The following KIF6 variants were observed in gnomAD, a reference collection of about 807,000 sequenced individuals.
KIF6 encodes the protein kinesin-like protein KIF6.
In KIF6, 106 loss-of-function variants were observed where a neutral mutation model predicts 112.7. The ratio of observed to expected loss-of-function variants is 0.94; its 90% CI spans 0.80 to 1.11. KIF6 has a LOEUF of 1.11. KIF6 is among the 50% of genes least tolerant of loss of function. KIF6 has a pLI of 0.00. For missense variants in KIF6, 929 were observed against 964.0 expected (o/e 0.96, Z 0.48); for synonymous variants, 339 against 339.9 (o/e 1.00, Z 0.03).
intron 16 of KIF6, 152 bp from the exon 17 acceptor site, chr6:39,362,670 G>C: frequency 1.5e-6 from 1 of 657,260 alleles, no homozygotes; most frequent in Admixed American, 2.5e-5. Context: ...CCTCTGCTCA[G>C]CTGAAAGCCC....
At chr6:39,512,502 G>C (rs1039886794) in intron 13 of KIF6, among the ~76,000 whole-genome samples, 1 of 152,204 alleles carries the variant, frequency 6.6e-6, no homozygotes, top group African/African-American at 2.4e-5. Flanking sequence ...GGCTGCTTAG[G>C]TCTGAGGCTA....
intron 15 of KIF6, among the ~76,000 whole-genome samples, chr6:39,415,145 C>A (rs1769810532): frequency 6.6e-6 from 1 of 152,016 alleles, no homozygotes; most frequent in Admixed American, 6.6e-5. Context: ...CGAGATTGCG[C>A]TATTGCACTC....
chr6:39,636,675 C>T (rs764758369), intron 4 of KIF6, among the ~76,000 whole-genome samples: 1 of 152,008 alleles, frequency 6.6e-6, no homozygotes, highest in African/African-American at 2.4e-5. Context: ...CTGTCCCTCT[C>T]TGCAGCATGT....
chr6:39,507,991 A>G (rs1776538967), intron 13 of KIF6, among the ~76,000 whole-genome samples: 1 of 95,318 alleles, frequency 1.0e-5, no homozygotes, highest in Admixed American at 1.6e-4. Context: ...TTCCTCCCTC[A>G]CAACCCCATA....
At chr6:39,645,617 C>T (rs933715086) in intron 3 of KIF6, among the ~76,000 whole-genome samples, 1 of 152,036 alleles carries the variant, frequency 6.6e-6, no homozygotes, top group African/African-American at 2.4e-5. Flanking sequence ...CTAAAATTCT[C>T]TTTTTTTGTT....
intron 13 of KIF6, among the ~76,000 whole-genome samples, chr6:39,464,046 T>A (rs1442702548): frequency 6.6e-6 from 1 of 152,218 alleles, no homozygotes; most frequent in Non-Finnish European, 1.5e-5. Context: ...TTTATGTTTC[T>A]GCTACATGTG....
intron 22 of KIF6, 94 bp from the exon 23 acceptor site, chr6:39,336,642 C>T: frequency 8.9e-7 from 1 of 1,128,108 alleles, no homozygotes; most frequent in South Asian, 1.2e-5. Flanking sequence ...CCACCAGCCA[C>T]TCCCCCTGGG....
chr6:39,524,038 A>C (rs1169713162), intron 13 of KIF6, among the ~76,000 whole-genome samples: 1 of 152,068 alleles, frequency 6.6e-6, no homozygotes, highest in East Asian at 1.9e-4. Flanking sequence ...CCTCATTTAG[A>C]ATAGCACAGT....
At chr6:39,497,287 TC>T (rs1174101830) in intron 13 of KIF6, among the ~76,000 whole-genome samples, 1 of 152,170 alleles carries the variant, frequency 6.6e-6, no homozygotes, top group Non-Finnish European at 1.5e-5. Context: ...AAAACGACTT[TC>T]CAGATCCCAG....
At chr6:39,445,753 G>A (rs1487117770) in intron 13 of KIF6, among the ~76,000 whole-genome samples, 1 of 152,226 alleles carries the variant, frequency 6.6e-6, no homozygotes, top group African/African-American at 2.4e-5. Flanking sequence ...GGAGCTAGAG[G>A]AAAGGGGGTC....
At chr6:39,346,049 G>GCC (rs1763693911) in intron 20 of KIF6, among the ~76,000 whole-genome samples, 24 of 29,002 alleles carry the variant, frequency 8.3e-4, no homozygotes, top group Admixed American at 2.7e-3. Context: ...AAACTACAGT[G>GCC]CTCTCTCTCT....
intron 13 of KIF6, among the ~76,000 whole-genome samples, chr6:39,523,331 A>G (rs746593941): frequency 6.6e-6 from 1 of 152,090 alleles, no homozygotes; most frequent in Non-Finnish European, 1.5e-5. Context: ...GCACATTGCT[A>G]TCAGTGCTCT....
chr6:39,600,110 T>A (rs1350134176), intron 6 of KIF6, among the ~76,000 whole-genome samples: 2 of 152,212 alleles, frequency 1.3e-5, no homozygotes, highest in Non-Finnish European at 2.9e-5. Flanking sequence ...TTTAAGGATG[T>A]CTTTATGTCT....
chr6:39,689,963 A>C (rs1341129693), intron 3 of KIF6: 1 of 152,226 alleles, frequency 6.6e-6, no homozygotes, highest in Non-Finnish European at 1.5e-5. Flanking sequence ...TTATGAAGCC[A>C]AACATAATGA....
chr6:39,718,562 T>C (rs1471708778), intron 2 of KIF6: 2 of 137,434 alleles, frequency 1.5e-5, no homozygotes, highest in South Asian at 2.4e-4. Flanking sequence ...CTGGGCAACA[T>C]GGTAAAACCC....
chr6:39,462,065 G>A (rs1773513376), intron 13 of KIF6, among the ~76,000 whole-genome samples: 1 of 152,180 alleles, frequency 6.6e-6, no homozygotes, highest in African/African-American at 2.4e-5. Context: ...TGCAGCTCAT[G>A]GCTATCATAT....
chr6:39,624,184 C>T (rs771640666), intron 5 of KIF6, among the ~76,000 whole-genome samples: 43 of 152,088 alleles, frequency 2.8e-4, no homozygotes, highest in African/African-American at 1.0e-3. Flanking sequence ...GGTGCAGAAG[C>T]CTCTTCAGGT....
At chr6:39,455,460 T>C (rs375669488) in intron 13 of KIF6, among the ~76,000 whole-genome samples, 15,197 of 151,264 alleles carry the variant, frequency 0.1, 918 homozygotes, top group East Asian at 0.24. Context: ...AAACGCAGAG[T>C]GCCTCTCCTC....
chr6:39,521,192 C>T (rs1777380118), intron 13 of KIF6, among the ~76,000 whole-genome samples: 1 of 152,154 alleles, frequency 6.6e-6, no homozygotes, highest in Non-Finnish European at 1.5e-5. Context: ...ACATTATGGT[C>T]AGAGGGAAGT....
Sources: gnomAD v4.1 joint callset for allele counts (sites outside exome capture counted in the v4.1 genomes callset) on GRCh38, gnomAD v4.1.1 for gene constraint, MANE v1.5 for transcripts, NCBI Gene and HGNC (gene_info 2026-07-23, HGNC 2026-07-21) for gene names.